GPC5: variants seen among roughly 807,000 people sequenced by gnomAD.
The protein encoded by GPC5 is glypican-5.
Under a neutral mutation model 53.9 loss-of-function variants are expected in GPC5, and 47 were observed. The ratio of observed to expected loss-of-function variants is 0.87; its 90% CI spans 0.69 to 1.11. The LOEUF is 1.11. Ranked by LOEUF, GPC5 falls within the 50% of genes most tolerant of loss-of-function variation. The pLI, the probability that GPC5 is intolerant of heterozygous loss-of-function variation, is 0.00. For missense variants in GPC5, 748 were observed against 713.1 expected (o/e 1.05, Z -0.56); for synonymous variants, 286 against 263.3 (o/e 1.09, Z -0.84).
At chr13:92,406,450 G>T (rs866138812) in intron 7 of GPC5, among the ~76,000 whole-genome samples, 4 of 152,080 alleles carry the variant, frequency 2.6e-5, no homozygotes, top group South Asian at 4.2e-4. Context: ...AATATACGTG[G>T]AGCTATATCA....
chr13:92,795,305 C>T (rs1005514451), intron 7 of GPC5, among the ~76,000 whole-genome samples: 2 of 151,914 alleles, frequency 1.3e-5, no homozygotes, highest in African/African-American at 2.4e-5. Context: ...ATTTAATAAA[C>T]AGTGCTGGGA....
intron 2 of GPC5, among the ~76,000 whole-genome samples, chr13:91,578,252 A>C (rs373872661): frequency 6.6e-6 from 1 of 152,178 alleles, no homozygotes; most frequent in Non-Finnish European, 1.5e-5. Flanking sequence ...CTTAAATGCA[A>C]CCTCATGAGA....
intron 2 of GPC5, among the ~76,000 whole-genome samples, chr13:91,669,055 T>C (rs900721487): frequency 3.9e-5 from 6 of 152,162 alleles, no homozygotes; most frequent in Non-Finnish European, 7.4e-5. Context: ...CAATCCTGCA[T>C]AGTAATTACA....
intron 2 of GPC5, among the ~76,000 whole-genome samples, chr13:91,622,207 C>T (rs2033880127): frequency 6.6e-6 from 1 of 152,124 alleles, no homozygotes; most frequent in African/African-American, 2.4e-5. Context: ...GCAACACCCT[C>T]ACAGACACAC....
chr13:91,581,889 A>G lies in GPC5; in HGVS notation c.326-111298A>G, dbSNP rs561236649. On this transcript the variant is annotated intron_variant, in intron 2 of 7. Coordinates refer to ENST00000377067, the MANE Select transcript of GPC5 (RefSeq NM_004466.6). ...ACTTCTTACTAAGAACAGTTAGGAA[A>G]TCTCCAAAACATTTACAAACATTTG... Among the ~76,000 whole-genome samples the G allele has an allele frequency of 5.9e-5, 9 of 152,320 alleles. No individual in the cohort carries two copies. In the East Asian group the frequency reaches 1.2e-3, roughly 20 times the overall value.
At chr13:91,868,195 G>C (rs550010025) in intron 5 of GPC5, among the ~76,000 whole-genome samples, 4 of 152,284 alleles carry the variant, frequency 2.6e-5, no homozygotes, top group Non-Finnish European at 5.9e-5. Flanking sequence ...ATTCACTGGG[G>C]CAAAAGAATT....
chr13:92,208,076 G>C (rs747043817), intron 7 of GPC5, among the ~76,000 whole-genome samples: 1 of 152,132 alleles, frequency 6.6e-6, no homozygotes, highest in Non-Finnish European at 1.5e-5. Flanking sequence ...GGAGGAATAG[G>C]TCTGAATTCA....
chr13:91,527,927 A>T (rs562361883), intron 2 of GPC5, among the ~76,000 whole-genome samples: 3 of 152,128 alleles, frequency 2.0e-5, no homozygotes, highest in South Asian at 2.1e-4. Context: ...GCAGGGCACC[A>T]TGTCCCAAGG....
At chr13:92,485,360 C>G (rs1008500075) in intron 7 of GPC5, among the ~76,000 whole-genome samples, 10 of 152,122 alleles carry the variant, frequency 6.6e-5, no homozygotes, top group African/African-American at 2.4e-4. Flanking sequence ...AGTTGCCAGA[C>G]TCCAAAATAA....
chr13:92,166,581 G>A (rs1331675671), intron 7 of GPC5, among the ~76,000 whole-genome samples: 1 of 151,892 alleles, frequency 6.6e-6, no homozygotes, highest in African/African-American at 2.4e-5. Context: ...CTGAATCAAA[G>A]GCTACAGTAC....
intron 6 of GPC5, among the ~76,000 whole-genome samples, chr13:92,126,221 G>A (rs1479672562): frequency 1.3e-5 from 2 of 151,938 alleles, no homozygotes; most frequent in Non-Finnish European, 1.5e-5. Flanking sequence ...CCAAAGTGCT[G>A]GGATTACAGG....
intron 7 of GPC5, among the ~76,000 whole-genome samples, chr13:92,412,170 A>G (rs577634902): frequency 6.6e-6 from 1 of 152,326 alleles, no homozygotes; most frequent in East Asian, 1.9e-4. Flanking sequence ...AAAAACTCTT[A>G]AAAATGCTTG....
chr13:92,606,191 A>T (rs180979253), intron 7 of GPC5, among the ~76,000 whole-genome samples: 70 of 151,976 alleles, frequency 4.6e-4, no homozygotes, highest in Admixed American at 1.2e-3. Context: ...GCACCCATTA[A>T]CTCGTCATTT....
At chr13:92,735,959 T>A (rs9516125) in intron 7 of GPC5, among the ~76,000 whole-genome samples, 52,100 of 151,758 alleles carry the variant, frequency 0.34, 9,777 homozygotes, top group East Asian at 0.8. Context: ...ATACATGCTG[T>A]AACACTGGAG....
chr13:92,848,334 TA>T (rs985970658), intron 7 of GPC5, among the ~76,000 whole-genome samples: 4 of 152,170 alleles, frequency 2.6e-5, no homozygotes, highest in Non-Finnish European at 4.4e-5. Context: ...AGGTTCTTTC[TA>T]CTACACTTCA....
chr13:92,008,300 G>A (rs1157822830), intron 6 of GPC5, among the ~76,000 whole-genome samples: 1 of 152,044 alleles, frequency 6.6e-6, no homozygotes, highest in African/African-American at 2.4e-5. Flanking sequence ...CTGACCTCGT[G>A]ATCCGCCCGC....
intron 7 of GPC5, among the ~76,000 whole-genome samples, chr13:92,237,936 T>A (rs1386973850): frequency 6.6e-6 from 1 of 152,040 alleles, no homozygotes; most frequent in Admixed American, 6.6e-5. Context: ...TATGACTTTT[T>A]AAATTTAACA....
chr13:91,825,709 G>A lies in GPC5; in HGVS notation c.1280+69289G>A, dbSNP rs544135381. Among the ~76,000 whole-genome samples the A allele has an allele frequency of 2.2e-4, 33 of 152,182 alleles. 1 individual carries two copies. The highest frequency in any genetic ancestry group is 6.0e-4 in the African/African-American group (25 of 41,534). ...TTGTCAGAGGATGCTCCGGACTCAC[G>A]TGATACCAGTTGGCTGGAACTGAAG... is the stretch of plus-strand genomic sequence containing the variant. On this transcript the variant is annotated intron_variant, in intron 5 of 7. Transcript: ENST00000377067.
chr13:91,600,314 AGAGAGAGAGAGAGAGAG>A, intron 2 of GPC5, among the ~76,000 whole-genome samples: 1 of 2,760 alleles, frequency 3.6e-4, no homozygotes, highest in South Asian at 0.031. Context: ...ACAGAGAGAG[AGAGAGAGAGAGAGAGAG>A]AGAGAGAGAG....
Sources: allele counts gnomAD v4.1 joint callset (sites outside exome capture counted in the v4.1 genomes callset), GRCh38; gene constraint gnomAD v4.1.1; transcripts MANE v1.5; gene names NCBI Gene and HGNC (gene_info 2026-07-23, HGNC 2026-07-21).